PPP1R12B: variants seen among roughly 807,000 people sequenced by gnomAD.
PPP1R12B encodes the protein myosin phosphatase target subunit 2.
PPP1R12B carries 76 observed loss-of-function variants against 126.1 expected under a neutral mutation model. The ratio of observed to expected loss-of-function variants is 0.60; its 90% CI spans 0.50 to 0.73. The LOEUF is 0.73. Ranked by LOEUF, PPP1R12B falls within the 30% of genes least tolerant of loss-of-function variation. The pLI is 0.00. For missense variants in PPP1R12B, 1,052 were observed against 1,205.1 expected (o/e 0.87, Z 1.88); for synonymous variants, 356 against 434.7 (o/e 0.82, Z 2.25).
rs929728726 is a variant in PPP1R12B at position 202,580,840 on chromosome 1, T to A, written c.*280T>A. ...GAATGCTCTGGGGAGTACACCAGGC[T>A]CAGCTGTGGACCCCTCAACTTCCTG... On this transcript the variant is annotated 3_prime_UTR_variant, in exon 24 of 24. Coordinates refer to ENST00000608999, the MANE Select transcript of PPP1R12B (RefSeq NM_002481.4). 1 of 372,162 alleles carries A rather than the reference T, an allele frequency of 2.7e-6. No homozygotes were observed. The highest frequency in any genetic ancestry group is 2.1e-5 in the African/African-American group (1 of 48,714). 23.1% of individuals were successfully genotyped at this position (372,162 alleles called of 1,614,324 possible).
Position 202,455,558 on chromosome 1 carries a change from A to G in PPP1R12B, c.1850+6387A>G, listed in dbSNP as rs1383763824. 3.3e-5 allele frequency among the ~76,000 whole-genome samples: 5 copies of G among 152,322 alleles called. No homozygotes were observed. The East Asian group carries it at 7.7e-4, about 23-fold the overall frequency. On this transcript the variant is annotated intron_variant, in intron 13 of 23. Coordinates refer to ENST00000608999, the MANE Select transcript of PPP1R12B (RefSeq NM_002481.4). ...ATGTATCAGTACTTTATTCCTTTAC[A>G]TGGGTGAATAATATTCCATCATATA...
intron 5 of PPP1R12B, 47 bp downstream of exon 5, chr1:202,427,231 G>A: frequency 1.2e-6 from 2 of 1,607,430 alleles, no homozygotes; most frequent in Non-Finnish European, 1.7e-6. Context: ...TGGTGGCTGG[G>A]TCTCTAGAAT....
chr1:202,480,434 A>G (rs1377621710), intron 13 of PPP1R12B, among the ~76,000 whole-genome samples: 1 of 152,242 alleles, frequency 6.6e-6, no homozygotes, highest in African/African-American at 2.4e-5. Context: ...GACAGAAGCT[A>G]GCTTCATTTT....
intron 18 of PPP1R12B, among the ~76,000 whole-genome samples, chr1:202,548,776 GT>G (rs35387211): frequency 4.0e-5 from 4 of 98,930 alleles, no homozygotes; most frequent in South Asian, 3.6e-4. Context: ...CTCGCTCGCT[GT>G]CTCTCTCTCT....
chr1:202,355,463 G>A, intron 1 of PPP1R12B, among the ~76,000 whole-genome samples: 1 of 152,174 alleles, frequency 6.6e-6, no homozygotes, highest in African/African-American at 2.4e-5. Context: ...GGATGGTAGA[G>A]CAGCATGGGC....
intron 18 of PPP1R12B, among the ~76,000 whole-genome samples, chr1:202,530,637 A>G (rs561115425): frequency 2.0e-5 from 3 of 152,294 alleles, no homozygotes; most frequent in Admixed American, 6.5e-5. Context: ...TATGGGAGCA[A>G]GATTGGGAAC....
chr1:202,351,239 G>GT (rs985953626), intron 1 of PPP1R12B, among the ~76,000 whole-genome samples: 5 of 143,902 alleles, frequency 3.5e-5, no homozygotes, highest in South Asian at 4.4e-4. Flanking sequence ...TGTTGTTGTT[G>GT]TTTAAAAAAA....
At chr1:202,394,206 C>T (rs1259158233) in intron 1 of PPP1R12B, among the ~76,000 whole-genome samples, 1 of 151,642 alleles carries the variant, frequency 6.6e-6, no homozygotes, top group African/African-American at 2.4e-5. Flanking sequence ...GGCATGGTGG[C>T]AGTGAGATCG....
At chr1:202,407,712 G>T (rs1666815824) in intron 1 of PPP1R12B, among the ~76,000 whole-genome samples, 1 of 152,052 alleles carries the variant, frequency 6.6e-6, no homozygotes, top group Non-Finnish European at 1.5e-5. Context: ...TCAAGCTCTG[G>T]ATCAGTCAAT....
At chr1:202,538,313 A>C (rs1684760305) in intron 18 of PPP1R12B, among the ~76,000 whole-genome samples, 1 of 152,218 alleles carries the variant, frequency 6.6e-6, no homozygotes, top group Admixed American at 6.5e-5. Flanking sequence ...CCTTTGAGAC[A>C]CACTGTATTC....
chr1:202,404,756 C>G (rs1162229389), intron 1 of PPP1R12B, among the ~76,000 whole-genome samples: 1 of 152,186 alleles, frequency 6.6e-6, no homozygotes, highest in Non-Finnish European at 1.5e-5. Flanking sequence ...CCACCTTGGC[C>G]TCCCGGAGTG....
intron 1 of PPP1R12B, among the ~76,000 whole-genome samples, chr1:202,374,462 A>T (rs1660812528): frequency 6.7e-6 from 1 of 149,232 alleles, no homozygotes; most frequent in African/African-American, 2.5e-5. Context: ...CTATATGTTA[A>T]TCAAATCCAT....
chr1:202,451,185 T>A (rs1672876644), intron 13 of PPP1R12B, among the ~76,000 whole-genome samples: 2 of 151,696 alleles, frequency 1.3e-5, no homozygotes, highest in Non-Finnish European at 2.9e-5. Flanking sequence ...ATTTATTTAT[T>A]TTTTATTGAT....
At chr1:202,449,487 A>G (rs1228648051) in intron 13 of PPP1R12B, among the ~76,000 whole-genome samples, 1 of 151,822 alleles carries the variant, frequency 6.6e-6, no homozygotes, top group Non-Finnish European at 1.5e-5. Context: ...CATGTTAGCC[A>G]GGATGGTCTC....
At chr1:202,489,223 T>A (rs909838313) in intron 14 of PPP1R12B, among the ~76,000 whole-genome samples, 1 of 152,242 alleles carries the variant, frequency 6.6e-6, no homozygotes, top group African/African-American at 2.4e-5. Flanking sequence ...CTTCACAAGA[T>A]TAATTATTCC....
intron 8 of PPP1R12B, among the ~76,000 whole-genome samples, chr1:202,432,912 G>A (rs1389730082): frequency 6.6e-6 from 1 of 152,174 alleles, no homozygotes; most frequent in Admixed American, 6.5e-5. Context: ...TCCTGATGAG[G>A]TCTGGCTTTG....
chr1:202,495,374 C>A lies in PPP1R12B; in HGVS notation c.2227C>A (p.Leu743Ile). Residue 743 changes from leucine (L) to isoleucine (I), a missense_variant, in exon 16 of 24, where the codon CTC (leucine) becomes ATC (isoleucine). By Grantham distance (5) the Leu-to-Ile change is conservative. Coordinates refer to ENST00000608999, the MANE Select transcript of PPP1R12B (RefSeq NM_002481.4). ...PASPSTSRPSLYTSSHLLWTN... is the reference protein window; with the variant it reads ...PASPSTSRPSIYTSSHLLWTN... ...ATCTCCTTCTACGTCAAGACCCTCA[C>A]TCTACACCAGTTCCCACCTGCTATG... 2.5e-6 allele frequency: 4 copies of A among 1,607,024 alleles called. No individual in the cohort carries two copies. The highest frequency in any genetic ancestry group is 3.4e-6 in the Non-Finnish European group (4 of 1,176,636).
chr1:202,350,426 A>C (rs898510309), intron 1 of PPP1R12B, among the ~76,000 whole-genome samples: 2 of 152,168 alleles, frequency 1.3e-5, no homozygotes, highest in Non-Finnish European at 2.9e-5. Context: ...GCTCAGGAAA[A>C]TTATTTGTGC....
intron 19 of PPP1R12B, among the ~76,000 whole-genome samples, chr1:202,560,963 GTAAC>G (rs1294215180): frequency 6.6e-6 from 1 of 151,888 alleles, no homozygotes; most frequent in Non-Finnish European, 1.5e-5. Flanking sequence ...GTATACATAT[GTAAC>G]TAACCTGCAC....
Sources: gnomAD v4.1 joint callset for allele counts (sites outside exome capture counted in the v4.1 genomes callset) on GRCh38, gnomAD v4.1.1 for gene constraint, MANE v1.5 for transcripts, NCBI Gene and HGNC (gene_info 2026-07-23, HGNC 2026-07-21) for gene names.